The following INSRR variants were observed in gnomAD, a reference collection of about 807,000 sequenced individuals.
INSRR encodes insulin receptor related receptor.
INSRR carries 114 observed loss-of-function variants against 130.0 expected under a neutral mutation model. That is an observed-to-expected ratio of 0.88 (90% CI 0.75 to 1.02). The LOEUF is 1.02. Among genes scored for constraint, INSRR ranks in the 50% least tolerant of loss-of-function variants. The pLI is 0.00. For missense variants in INSRR, 1,657 were observed against 1,735.2 expected (o/e 0.95, Z 0.80); for synonymous variants, 674 against 705.2 (o/e 0.96, Z 0.70).
In INSRR at chr1:156,840,685, C is replaced by G. The variant is rs981518999; in HGVS notation, c.*188G>C. 1.6e-6 allele frequency: 1 copy of G among 611,244 alleles called. No individual in the cohort carries two copies. The highest frequency in any genetic ancestry group is 2.0e-5 in the South Asian group (1 of 50,792). 37.9% of individuals were successfully genotyped at this position (611,244 alleles called of 1,614,324 possible). ...TGCTCTCCCCCGAGGGACTCAGAGT[C>G]TGAGAAACTCCTATGGTGAGACCCC... On this transcript the variant is annotated 3_prime_UTR_variant, in exon 22 of 22. Coordinates refer to ENST00000368195, the MANE Select transcript of INSRR (RefSeq NM_014215.3).
chr1:156,857,352 C>A (rs984090150), intron 1 of INSRR, among the ~76,000 whole-genome samples: 10 of 152,226 alleles, frequency 6.6e-5, no homozygotes, highest in African/African-American at 2.2e-4. Context: ...TCCCATCATG[C>A]CCCTGCCTCT....
At position 156,844,214 on chromosome 1, in the gene INSRR, A is replaced by C. The variant is rs1370858696; in HGVS notation, c.2804T>G (p.Ile935Ser). Reference protein sequence around the residue: ...TATPVGLTLLIVLAALGFFYG... With the variant: ...TATPVGLTLLSVLAALGFFYG... ...GAAGAAACCAAGGGCAGCAAGAACG[A>C]TGAGCAGCGTGAGCCCCACAGGGGT... The change falls in exon 15 of 22, where the codon ATC becomes AGC. Residue 935 changes from isoleucine (I) to serine (S), a missense_variant. Ile to Ser is a moderately radical substitution (Grantham distance 142). Coordinates refer to ENST00000368195, the MANE Select transcript of INSRR (RefSeq NM_014215.3). 6.2e-7 allele frequency: 1 copy of C among 1,613,890 alleles called. No homozygotes were observed. The highest frequency in any genetic ancestry group is 1.3e-5 in the African/African-American group (1 of 74,918).
In INSRR at chr1:156,849,476, GGACCTTGCTCTGCGGGGAGGT is replaced by G. The variant is rs1282525060; in HGVS notation, c.1230-37_1230-17del. The G allele has an allele frequency of 6.4e-7, 1 of 1,571,878 alleles. No homozygotes were observed. The highest frequency in any genetic ancestry group is 8.7e-7 in the Non-Finnish European group (1 of 1,144,334). On this transcript the variant is annotated splice_polypyrimidine_tract_variant and intron_variant, in intron 5 of 21. Transcript: ENST00000368195. ...AGTGTAGTTCCTGGGGGAGGCCAGG[GGACCTTGCTCTGCGGGGAGGT>G]GGGGGCAGGGGGTGGGAAAGGGGAT...
intron 5 of INSRR, among the ~76,000 whole-genome samples, chr1:156,850,629 A>G (rs1655175594): frequency 1.5e-5 from 2 of 129,772 alleles, no homozygotes; most frequent in South Asian, 4.8e-4. Flanking sequence ...ATTTCGGCTC[A>G]CTGTAATCTC....
In INSRR at chr1:156,845,833, G is replaced by A; in HGVS notation, c.1979-19C>T. On this transcript the variant is annotated intron_variant, in intron 9 of 21. Coordinates refer to ENST00000368195, the MANE Select transcript of INSRR (RefSeq NM_014215.3). The stretch of plus-strand genomic sequence containing the variant: ...CGCAAGCCTGGCGCCGCAGCGGGAA[G>A]ACACTAGTAAGACAGGCGGTCTACC... The A allele has an allele frequency of 6.2e-7, 1 of 1,610,084 alleles. No individual in the cohort carries two copies. Among genetic ancestry groups the A allele is most frequent in the Non-Finnish European group, 8.5e-7 (1 of 1,178,812 alleles).
intron 5 of INSRR, among the ~76,000 whole-genome samples, chr1:156,850,419 C>T (rs1167340059): frequency 6.6e-5 from 10 of 152,010 alleles, no homozygotes; most frequent in Middle Eastern, 3.4e-3. Flanking sequence ...TCCATGTTGG[C>T]CAGGCTGGTC....
At chr1:156,842,319 C>G (rs1654829865) in intron 18 of INSRR, 48 bp from the exon 19 acceptor site, 1 of 1,613,466 alleles carries the variant, frequency 6.2e-7, no homozygotes, top group Non-Finnish European at 8.5e-7. Flanking sequence ...AGAGGCTGGT[C>G]TCCTGTCCAG....
chr1:156,852,173 C>T lies in INSRR; in HGVS notation c.656G>A (p.Gly219Glu). 1 of 1,602,330 alleles carries T rather than the reference C, an allele frequency of 6.2e-7. No individual in the cohort carries two copies. Among genetic ancestry groups the T allele is most frequent in the Non-Finnish European group, 8.5e-7 (1 of 1,172,964 alleles). Residue 219 changes from glycine to glutamate, a missense_variant, in exon 3 of 22, where the codon GGG becomes GAG. Physicochemically the swap from Gly to Glu is moderately conservative, Grantham distance 98. Transcript: ENST00000368195. ...HCQRVCPCPH[G>E]MACTARGECC... Reference sequence around the variant, plus strand: ...CTCGCCCCTCGCTGTGCAAGCCATCCCATGGGGGCAGGGGCACACTGTGGG... The same window carrying T: ...CTCGCCCCTCGCTGTGCAAGCCATCTCATGGGGGCAGGGGCACACTGTGGG...
chr1:156,843,538 T>A (rs1654878884), intron 15 of INSRR, 59 bp from the exon 16 acceptor site: 2 of 1,518,360 alleles, frequency 1.3e-6, no homozygotes, highest in Non-Finnish European at 1.8e-6. Flanking sequence ...ATGAGCAACA[T>A]CAGAAGAAGG....
intron 7 of INSRR, among the ~76,000 whole-genome samples, chr1:156,847,339 G>A (rs12144562): frequency 0.047 from 7,101 of 152,328 alleles, 227 homozygotes; most frequent in Non-Finnish European, 0.063. Flanking sequence ...GGGGCCAGAG[G>A]CAACTAGTGC....
chr1:156,854,149 G>A lies in INSRR; in HGVS notation c.240C>T (p.Thr80=), dbSNP rs149908610. 105 of 1,614,124 alleles carry A rather than the reference G, an allele frequency of 6.5e-5. No homozygotes were observed. In the African/African-American group the frequency reaches 7.1e-4, roughly 11 times the overall value. Residue 80 remains threonine (T), a synonymous_variant, in exon 2 of 22, where the codon ACC becomes ACT. Transcript: ENST00000368195. The surrounding 1 kb of genome is among the most constrained non-coding windows in gnomAD (Gnocchi z 4.2). ...GLSFPRLTQV[T]DYLLLFRVYG... ...AGACACGGAAGAGCAGCAGGTAGTC[G>A]GTGACCTGGGTGAGGCGAGGGAAGC...
Position 156,844,836 on chromosome 1 carries a change from A to G in INSRR, c.2445T>C (p.Ala815=), listed in dbSNP as rs888549662. The change falls in exon 13 of 22, where the codon GCT becomes GCC. Residue 815 remains alanine (A), a synonymous_variant. Transcript: ENST00000368195. Reference sequence around the variant, plus strand: ...AGGCCACCTTTCCTGGAATACCATCAGCCTCTCCTGCGGGAAGGGGCATCC... The same window carrying G: ...AGGCCACCTTTCCTGGAATACCATCGGCCTCTCCTGCGGGAAGGGGCATCC... ...VFARTMPHRE[A]DGIPGKVAWE... is the part of the protein sequence containing the mutation. 1.2e-6 allele frequency: 2 copies of G among 1,613,886 alleles called. No individual in the cohort carries two copies. Among genetic ancestry groups the G allele is most frequent in the African/African-American group, 2.7e-5 (2 of 74,900 alleles).
At chr1:156,855,119 T>G (rs948568677) in intron 1 of INSRR, among the ~76,000 whole-genome samples, 1 of 152,128 alleles carries the variant, frequency 6.6e-6, no homozygotes, top group African/African-American at 2.4e-5. Flanking sequence ...CTTGCCCACC[T>G]CCTTAAGTCT....
chr1:156,855,231 T>G (rs944787862), intron 1 of INSRR, among the ~76,000 whole-genome samples: 1 of 152,008 alleles, frequency 6.6e-6, no homozygotes, highest in Non-Finnish European at 1.5e-5. Context: ...TGATATGGAG[T>G]CTCACTCTGT....
rs1437826163 is a variant in INSRR at position 156,844,847 on chromosome 1, C to T, written c.2438-4G>A. Reference sequence around the variant, plus strand: ...CCTGGAATACCATCAGCCTCTCCTGCGGGAAGGGGCATCCAGCAGCCGGGC... The same window carrying T: ...CCTGGAATACCATCAGCCTCTCCTGTGGGAAGGGGCATCCAGCAGCCGGGC... On this transcript the variant is annotated splice_polypyrimidine_tract_variant and splice_region_variant and intron_variant, in intron 12 of 21. Transcript: ENST00000368195. 1 of 1,613,722 alleles carries T rather than the reference C, an allele frequency of 6.2e-7. No individual in the cohort carries two copies. The highest frequency in any genetic ancestry group is 1.7e-5 in the Admixed American group (1 of 59,984).
chr1:156,857,209 G>GTGTGTA (rs1264141001), intron 1 of INSRR, among the ~76,000 whole-genome samples: 1 of 141,192 alleles, frequency 7.1e-6, no homozygotes, highest in Non-Finnish European at 1.5e-5. Flanking sequence ...GTGTGTGTGT[G>GTGTGTA]TGTGTATGTC....
At position 156,850,534 on chromosome 1, in the gene INSRR, CTTTTTTTT is replaced by C. The variant is rs35237064; in HGVS notation, c.1229+748_1229+755del. On this transcript the variant is annotated intron_variant, in intron 5 of 21. Transcript: ENST00000368195. ...GACCTGGATGGTAATTTAAAACATT[CTTTTTTTT>C]TTTTTTTTTTTTTTTTTTTTTTTGA... Among the ~76,000 whole-genome samples the C allele has an allele frequency of 6.9e-3, 404 of 58,530 alleles. 1 individual carries two copies. The highest frequency in any genetic ancestry group is 0.021 in the African/African-American group (382 of 17,818). 38.4% of individuals were successfully genotyped at this position (58,530 alleles called of 152,430 possible). A position where few individuals can be genotyped will look rare whatever the true frequency, so the allele number is the denominator to read the frequency against.
In INSRR at chr1:156,854,848, T is replaced by A. The variant is rs1056996788; in HGVS notation, c.86-545A>T. On this transcript the variant is annotated intron_variant, in intron 1 of 21. Transcript: ENST00000368195. This position sits in a 1 kb window ranked among gnomAD's most constrained non-coding sequence, Gnocchi z 4.2. ...AGCCAGAGTGATCTCAAAACACAGATGGATCACGTTTCTCCTCTGCTTATA... is the reference window on the plus strand; with the variant it reads ...AGCCAGAGTGATCTCAAAACACAGAAGGATCACGTTTCTCCTCTGCTTATA... 6.6e-6 allele frequency among the ~76,000 whole-genome samples: 1 copy of A among 152,118 alleles called. No homozygotes were observed. The highest frequency in any genetic ancestry group is 2.4e-5 in the African/African-American group (1 of 41,418).
At chr1:156,850,762 G>A (rs190317377) in intron 5 of INSRR, among the ~76,000 whole-genome samples, 2 of 151,736 alleles carry the variant, frequency 1.3e-5, no homozygotes, top group East Asian at 3.9e-4. Context: ...TCACCACGTT[G>A]GCCAGGCTGG....
Sources: gnomAD v4.1 joint callset for allele counts (sites outside exome capture counted in the v4.1 genomes callset) on GRCh38, gnomAD v4.1.1 for gene constraint, Gnocchi (gnomAD v3.1) non-coding constraint, MANE v1.5 for transcripts, NCBI Gene and HGNC (gene_info 2026-07-23, HGNC 2026-07-21) for gene names.